Variants in PRMT8 observed in about 807,000 individuals in gnomAD.
PRMT8 encodes protein arginine N-methyltransferase 8.
In PRMT8, 7 loss-of-function variants were observed where a neutral mutation model predicts 47.1. The observed-to-expected ratio is 0.15, with a 90% CI of 0.08 to 0.28. PRMT8 has a LOEUF of 0.28. Among genes scored for constraint, PRMT8 ranks in the 10% least tolerant of loss-of-function variants. The pLI, the probability that PRMT8 is intolerant of heterozygous loss-of-function variation, is 1.00. For synonymous variants in PRMT8, 188 were observed against 186.5 expected (o/e 1.01, Z -0.07); for missense variants, 237 against 505.4 (o/e 0.47, Z 5.09).
rs371037252 is a variant in PRMT8 at position 3,456,619 on chromosome 12, A to G, written c.48+75177A>G. 6.6e-5 allele frequency among the ~76,000 whole-genome samples: 10 copies of G among 152,262 alleles called. 1 individual carries two copies. Among genetic ancestry groups the G allele is most frequent in the Admixed American group, 1.3e-4 (2 of 15,300 alleles). ...CGTCTGAATTACCCACAGGGTGAGG[A>G]TGAAAGGCGAGGGAATGAGTGGACA... On this transcript the variant is annotated intron_variant, in intron 1 of 9. Transcript: ENST00000452611. This position sits in a 1 kb window ranked among gnomAD's most constrained non-coding sequence, Gnocchi z 4.2.
chr12:3,392,304 G>A (rs1453745936), intron 1 of PRMT8, among the ~76,000 whole-genome samples: 3 of 151,604 alleles, frequency 2.0e-5, no homozygotes, highest in Non-Finnish European at 4.4e-5. Flanking sequence ...CTGGTGTGCT[G>A]CACCCGCTAA....
intron 1 of PRMT8, among the ~76,000 whole-genome samples, chr12:3,485,883 C>T (rs920653886): frequency 6.6e-6 from 1 of 152,046 alleles, no homozygotes; most frequent in African/African-American, 2.4e-5. Context: ...AAAATAAAAT[C>T]CCCTGAGAAG....
intron 1 of PRMT8, among the ~76,000 whole-genome samples, chr12:3,455,939 C>T (rs980095917): frequency 6.6e-6 from 1 of 152,162 alleles, no homozygotes; most frequent in Middle Eastern, 3.2e-3. Flanking sequence ...CCTTTGACCA[C>T]GTGGTCCTAG....
At chr12:3,516,125 T>A (rs906949090) in intron 1 of PRMT8, among the ~76,000 whole-genome samples, 1 of 152,194 alleles carries the variant, frequency 6.6e-6, no homozygotes, top group Non-Finnish European at 1.5e-5. Context: ...CAGAGCAGCA[T>A]TGAGTGGGGC....
At chr12:3,458,272 T>C (rs1326087265) in intron 1 of PRMT8, among the ~76,000 whole-genome samples, 2 of 152,242 alleles carry the variant, frequency 1.3e-5, no homozygotes, top group African/African-American at 2.4e-5. Context: ...ATTCTCCAAC[T>C]GCTTTCATGA....
rs1035169276 is a variant in PRMT8 at position 3,508,045 on chromosome 12, T to C, written c.75+16345T>C. ...ACTTTCATCCCTGTGGGATTATAAA[T>C]CCCATTTTATAGGCTGGCCATGAGG... On this transcript the variant is annotated intron_variant, in intron 1 of 9. Transcript: ENST00000382622. The surrounding 1 kb of genome is among the most constrained non-coding windows in gnomAD (Gnocchi z 4.9). Among the ~76,000 whole-genome samples the C allele has an allele frequency of 6.6e-6, 1 of 152,218 alleles. No homozygotes were observed. Among genetic ancestry groups the C allele is most frequent in the African/African-American group, 2.4e-5 (1 of 41,450 alleles).
At chr12:3,507,247 G>A (rs978722838) in intron 1 of PRMT8, among the ~76,000 whole-genome samples, 11 of 149,468 alleles carry the variant, frequency 7.4e-5, no homozygotes, top group Non-Finnish European at 1.3e-4. Context: ...TCAGCCTCCC[G>A]AGTAGCTGAG....
intron 1 of PRMT8, among the ~76,000 whole-genome samples, chr12:3,440,866 T>TA (rs1404729042): frequency 1.3e-5 from 2 of 152,174 alleles, no homozygotes; most frequent in South Asian, 2.1e-4. Flanking sequence ...CATCATGAGC[T>TA]AAAAACAATG....
In PRMT8 at chr12:3,535,321, A is replaced by G. The variant is rs1866099047; in HGVS notation, c.76-5285A>G. 6.6e-6 allele frequency among the ~76,000 whole-genome samples: 1 copy of G among 152,190 alleles called. No homozygotes were observed. The highest frequency in any genetic ancestry group is 6.5e-5 in the Admixed American group (1 of 15,278). On this transcript the variant is annotated intron_variant, in intron 1 of 9. Transcript: ENST00000382622. The surrounding 1 kb of genome is among the most constrained non-coding windows in gnomAD (Gnocchi z 4.7). ...GACAATCGCACTTTATTTATTAGGGAGAAAAACTGTGCTGAAGCTGCCCTG... is the reference window on the plus strand; with the variant it reads ...GACAATCGCACTTTATTTATTAGGGGGAAAAACTGTGCTGAAGCTGCCCTG...
Position 3,540,613 on chromosome 12 carries a change from G to GCCCCCCCCGCCCCCCCCCC in PRMT8, c.90_91insCGCCCCCCCCCCCCCCCCC (p.Ser31ArgfsTer17). 8.8e-7 allele frequency: 1 copy of GCCCCCCCCGCCCCCCCCCC among 1,130,522 alleles called. No homozygotes were observed. The highest frequency in any genetic ancestry group is 1.3e-6 in the Non-Finnish European group (1 of 752,492). The allele number at this position is 1,130,522 out of a possible 1,614,324, so 70.0% of individuals were successfully genotyped here. On this transcript the variant is annotated frameshift_variant, in exon 2 of 10. Transcript: ENST00000382622. LOFTEE classifies it high-confidence loss of function. The stretch of plus-strand genomic sequence containing the variant: ...CCCTTCTCTTCCCCTCAGGTGAACA[G>GCCCCCCCCGCCCCCCCCCC]CCCCCCCTCCCAGCCCCCCCAGCCC...
chr12:3,439,803 T>G (rs1250951131), intron 1 of PRMT8, among the ~76,000 whole-genome samples: 2 of 152,208 alleles, frequency 1.3e-5, no homozygotes, highest in Non-Finnish European at 2.9e-5. Flanking sequence ...ATAAATTTGT[T>G]CTCATCCACC....
rs541735735 is a variant in PRMT8, at chr12:3,523,760, A to C, written c.76-16846A>C. ...TGGCTCTGTACTAAAACAGAAATGC[A>C]TGGGGAAATAAGACTTACAAAAGCC... On this transcript the variant is annotated intron_variant, in intron 1 of 9. Transcript: ENST00000382622. Among the ~76,000 whole-genome samples the C allele has an allele frequency of 5.9e-5, 9 of 152,360 alleles. No individual in the cohort carries two copies. The East Asian group carries it at 1.5e-3, about 26-fold the overall frequency.
At chr12:3,416,339 T>G (rs1182567580) in intron 1 of PRMT8, among the ~76,000 whole-genome samples, 1 of 152,246 alleles carries the variant, frequency 6.6e-6, no homozygotes, top group Non-Finnish European at 1.5e-5. Flanking sequence ...CCTCACCATC[T>G]TCAGCTAGTG....
intron 1 of PRMT8, among the ~76,000 whole-genome samples, chr12:3,408,622 T>A (rs1455566695): frequency 2.0e-5 from 3 of 152,170 alleles, no homozygotes; most frequent in African/African-American, 7.2e-5. Flanking sequence ...TTTGATGGTG[T>A]CATTTATTTT....
chr12:3,417,035 G>A (rs1053167304), intron 1 of PRMT8, among the ~76,000 whole-genome samples: 4 of 152,200 alleles, frequency 2.6e-5, no homozygotes, highest in Non-Finnish European at 5.9e-5. Flanking sequence ...CCTTATTAAG[G>A]GAACTATTAT....
chr12:3,481,078 G>A (rs564277627), intron 1 of PRMT8, among the ~76,000 whole-genome samples: 4 of 152,278 alleles, frequency 2.6e-5, no homozygotes, highest in African/African-American at 7.2e-5. Flanking sequence ...TTTGATAAAC[G>A]CTACTATCTG....
At chr12:3,504,545 G>A (rs1405004030) in intron 1 of PRMT8, among the ~76,000 whole-genome samples, 54 of 110,036 alleles carry the variant, frequency 4.9e-4, no homozygotes, top group African/African-American at 1.4e-3. Flanking sequence ...CACTTGAGGA[G>A]GCAGTCTGCC....
At chr12:3,471,739 T>G (rs899522030) in intron 1 of PRMT8, among the ~76,000 whole-genome samples, 3 of 151,954 alleles carry the variant, frequency 2.0e-5, no homozygotes, top group Non-Finnish European at 4.4e-5. Context: ...TAAGGCTGAT[T>G]GGTCACCATG....
At chr12:3,469,346 G>A (rs1186309821) in intron 1 of PRMT8, 2 of 336,808 alleles carry the variant, frequency 5.9e-6, no homozygotes, top group South Asian at 2.8e-5. Flanking sequence ...AAGATAAAGT[G>A]GAAATTGTCC....
Sources: allele counts gnomAD v4.1 joint callset (sites outside exome capture counted in the v4.1 genomes callset), GRCh38; gene constraint gnomAD v4.1.1; non-coding constraint Gnocchi (gnomAD v3.1); transcripts MANE v1.5; gene names NCBI Gene and HGNC (gene_info 2026-07-23, HGNC 2026-07-21).